LMCD1: variants seen among roughly 807,000 people sequenced by gnomAD.
LMCD1 encodes LIM and cysteine-rich domains protein 1.
A neutral mutation model predicts 42.7 loss-of-function variants in LMCD1; 32 were observed. The ratio of observed to expected loss-of-function variants is 0.75; its 90% CI spans 0.57 to 1.01. The LOEUF (loss-of-function observed/expected upper bound fraction) is 1.01, where lower values mean the gene tolerates loss of function less well. LMCD1 is among the 50% of genes least tolerant of loss of function. The probability of loss-of-function intolerance (pLI) is 0.00; values close to 1 mark genes in which losing one functional copy is unlikely to be tolerated. For synonymous variants in LMCD1, 178 were observed against 184.9 expected, an observed-to-expected ratio of 0.96 and a Z score of 0.30; for missense variants, 458 against 483.1, an observed-to-expected ratio of 0.95 and a Z score of 0.49.
At chr3:8,516,685 G>A (rs753132179) in intron 1 of LMCD1, among the ~76,000 whole-genome samples, 2 of 152,200 alleles carry the variant, frequency 1.3e-5, no homozygotes, top group African/African-American at 2.4e-5. Context: ...TTGAAGGAGT[G>A]GATAGGTCTA....
At chr3:8,554,944 G>A (rs889034565) in intron 4 of LMCD1, among the ~76,000 whole-genome samples, 1 of 152,068 alleles carries the variant, frequency 6.6e-6, no homozygotes, top group African/African-American at 2.4e-5. Context: ...TTCCTGCCGG[G>A]CGCCTCCCCG....
intron 1 of LMCD1, among the ~76,000 whole-genome samples, chr3:8,519,917 T>A (rs1574951098): frequency 6.7e-6 from 1 of 149,740 alleles, no homozygotes; most frequent in South Asian, 2.2e-4. Flanking sequence ...CGTGTGTGTG[T>A]GAGAGAGAGT....
At chr3:8,532,874 G>A in intron 2 of LMCD1, 49 bp downstream of exon 2, 1 of 1,459,612 alleles carries the variant, frequency 6.9e-7, no homozygotes, top group Non-Finnish European at 9.6e-7. Flanking sequence ...TTACTTGGCT[G>A]TCCTCTCGGG....
At chr3:8,508,243 C>T (rs888828212) in intron 1 of LMCD1, among the ~76,000 whole-genome samples, 1 of 152,164 alleles carries the variant, frequency 6.6e-6, no homozygotes, top group Non-Finnish European at 1.5e-5. Context: ...TTGGCCTTGA[C>T]ATGTGCATTT....
At chr3:8,520,874 C>T (rs1343345493) in intron 1 of LMCD1, among the ~76,000 whole-genome samples, 1 of 152,180 alleles carries the variant, frequency 6.6e-6, no homozygotes, top group Non-Finnish European at 1.5e-5. Flanking sequence ...GAGGACCATC[C>T]TCTCACTGAC....
chr3:8,535,834 G>T (rs892518421), intron 2 of LMCD1, among the ~76,000 whole-genome samples: 1 of 152,174 alleles, frequency 6.6e-6, no homozygotes, highest in Non-Finnish European at 1.5e-5. Flanking sequence ...CAGCACAATT[G>T]ACATTTTGGG....
intron 4 of LMCD1, chr3:8,551,315 G>T (rs1008006650): frequency 1.0e-6 from 1 of 985,306 alleles, no homozygotes; most frequent in South Asian, 4.7e-5. Flanking sequence ...GGATCTATTT[G>T]GATGGCCAAT....
chr3:8,508,334 A>G (rs1158497068), intron 1 of LMCD1, among the ~76,000 whole-genome samples: 10 of 152,122 alleles, frequency 6.6e-5, no homozygotes, highest in Non-Finnish European at 1.5e-5. Flanking sequence ...CTGGGCCCCC[A>G]CCGGGACATG....
At chr3:8,524,548 T>TA (rs1282760795) in intron 1 of LMCD1, among the ~76,000 whole-genome samples, 5 of 152,330 alleles carry the variant, frequency 3.3e-5, no homozygotes, top group Non-Finnish European at 4.4e-5. Context: ...AGACTTGCTG[T>TA]AAAAAACTCT....
rs1695208050 is a variant in LMCD1 at position 8,571,190 on chromosome 3, TA to T, written c.*3594del. 1 of 152,200 alleles carries T rather than the reference TA, an allele frequency of 6.6e-6. No homozygotes were observed. Among genetic ancestry groups the T allele is most frequent in the Non-Finnish European group, 1.5e-5 (1 of 68,044 alleles). 9.4% of individuals were successfully genotyped at this position (152,200 alleles called of 1,614,324 possible). The stretch of plus-strand genomic sequence containing the variant: ...AGTTCATAATATCCCAGGCTTACAG[TA>T]ATTCTTCCAAGGCCTTTATTGTGCT... On this transcript the variant is annotated 3_prime_UTR_variant, in exon 6 of 6. Coordinates refer to ENST00000157600, the MANE Select transcript of LMCD1 (RefSeq NM_014583.4).
At chr3:8,537,013 A>G (rs1185767885) in intron 2 of LMCD1, among the ~76,000 whole-genome samples, 172 bp from the exon 3 acceptor site, 1 of 152,182 alleles carries the variant, frequency 6.6e-6, no homozygotes, top group Non-Finnish European at 1.5e-5. Flanking sequence ...CATTTCCCAA[A>G]TGCAGTTCCC....
At chr3:8,516,910 G>A (rs1442431973) in intron 1 of LMCD1, among the ~76,000 whole-genome samples, 3 of 152,302 alleles carry the variant, frequency 2.0e-5, no homozygotes, top group Middle Eastern at 3.4e-3. Flanking sequence ...ATAAAATAGA[G>A]GCCTTACTCT....
chr3:8,517,576 T>G (rs1694122820), intron 1 of LMCD1, among the ~76,000 whole-genome samples: 1 of 152,216 alleles, frequency 6.6e-6, no homozygotes, highest in African/African-American at 2.4e-5. Context: ...CTGACAACAT[T>G]GAACCATGTT....
chr3:8,555,513 C>T lies in LMCD1; in HGVS notation c.723+6610C>T, dbSNP rs185166744. Among the ~76,000 whole-genome samples, 28 of 152,338 alleles carry T rather than the reference C, an allele frequency of 1.8e-4. No individual in the cohort carries two copies. The East Asian group carries it at 5.2e-3, about 28-fold the overall frequency. On this transcript the variant is annotated intron_variant, in intron 4 of 5. Transcript: ENST00000157600. Reference sequence around the variant, plus strand: ...AGTCCCGCCACCCCTGGCTCAGGCACCATGGGCAGGAGCCTGGGGGCAGCC... The same window carrying T: ...AGTCCCGCCACCCCTGGCTCAGGCATCATGGGCAGGAGCCTGGGGGCAGCC...
chr3:8,560,463 C>A (rs1239863988), intron 4 of LMCD1, among the ~76,000 whole-genome samples: 1 of 152,186 alleles, frequency 6.6e-6, no homozygotes, highest in South Asian at 2.1e-4. Context: ...CCTTTCCCTA[C>A]TTTCATGTCA....
At position 8,543,432 on chromosome 3, in the gene LMCD1, TAGATAGATAGAC is replaced by T. The variant is rs1220108947; in HGVS notation, c.388-5132_388-5121del. ...ATAGATAGATAGATAGATAGATAGATAGATAGATAGACAGACAGACAGAGAGATAGACAGACA... is the reference window on the plus strand; with the variant it reads ...ATAGATAGATAGATAGATAGATAGATAGACAGACAGAGAGATAGACAGACA... On this transcript the variant is annotated intron_variant, in intron 3 of 5. Coordinates refer to ENST00000157600, the MANE Select transcript of LMCD1 (RefSeq NM_014583.4). Among the ~76,000 whole-genome samples, 458 of 131,242 alleles carry T rather than the reference TAGATAGATAGAC, an allele frequency of 3.5e-3. 2 individuals carry two copies. The highest frequency in any genetic ancestry group is 9.2e-3 in the South Asian group (35 of 3,808). The allele number at this position is 131,242 out of a possible 152,430, so 86.1% of individuals were successfully genotyped here. A position where few individuals can be genotyped will look rare whatever the true frequency, so the allele number is the denominator to read the frequency against.
rs887843187 is a variant in LMCD1 at position 8,550,808 on chromosome 3, C to A, written c.723+1905C>A. 9.1e-6 allele frequency: 9 copies of A among 985,116 alleles called. No homozygotes were observed. The African/African-American group carries it at 1.6e-4, about 17-fold the overall frequency. 61.0% of individuals were successfully genotyped at this position (985,116 alleles called of 1,614,324 possible). On this transcript the variant is annotated intron_variant, in intron 4 of 5. Transcript: ENST00000157600. ...CATAAACCCTAAATACTAGATAATT[C>A]TAAGTTGGAAGGAGACCTCTAAGTC...
At chr3:8,524,582 A>C (rs1444965007) in intron 1 of LMCD1, among the ~76,000 whole-genome samples, 1 of 152,212 alleles carries the variant, frequency 6.6e-6, no homozygotes, top group African/African-American at 2.4e-5. Flanking sequence ...GGTGGTCCAC[A>C]AGCTGCTTAT....
At chr3:8,504,196 G>C (rs1693827077) in intron 1 of LMCD1, among the ~76,000 whole-genome samples, 1 of 152,182 alleles carries the variant, frequency 6.6e-6, no homozygotes, top group Non-Finnish European at 1.5e-5. Context: ...TCAAAATGTG[G>C]AGGGGAGGGA....
Sources: allele counts gnomAD v4.1 joint callset (sites outside exome capture counted in the v4.1 genomes callset), GRCh38; gene constraint gnomAD v4.1.1; transcripts MANE v1.5; gene names NCBI Gene and HGNC (gene_info 2026-07-23, HGNC 2026-07-21).